KCND2: variants seen among roughly 807,000 people sequenced by gnomAD.
KCND2 encodes the protein A-type voltage-gated potassium channel KCND2.
KCND2 carries 16 observed loss-of-function variants against 54.4 expected under a neutral mutation model. The observed-to-expected ratio is 0.29, with a 90% CI of 0.20 to 0.45. The LOEUF is 0.45. Ranked by LOEUF, KCND2 falls within the 20% of genes least tolerant of loss-of-function variation. The probability of loss-of-function intolerance (pLI) is 1.00; values close to 1 mark genes in which losing one functional copy is unlikely to be tolerated. For synonymous variants in KCND2, 317 were observed against 310.7 expected, an observed-to-expected ratio of 1.02 and a Z score of -0.21; for missense variants, 486 against 824.2, an observed-to-expected ratio of 0.59 and a Z score of 5.02.
At chr7:120,679,100 C>A (rs970559226) in intron 1 of KCND2, among the ~76,000 whole-genome samples, 35 of 151,792 alleles carry the variant, frequency 2.3e-4, no homozygotes, top group Non-Finnish European at 3.4e-4. Context: ...ATTATTCCAT[C>A]TGGTAGCCTA....
intron 1 of KCND2, among the ~76,000 whole-genome samples, chr7:120,593,675 A>G (rs576364899): frequency 6.6e-6 from 1 of 152,288 alleles, no homozygotes; most frequent in East Asian, 1.9e-4. Context: ...ATGGTAGAAT[A>G]TATATAAACG....
chr7:120,626,689 A>G (rs1793168125), intron 1 of KCND2, among the ~76,000 whole-genome samples: 2 of 152,238 alleles, frequency 1.3e-5, no homozygotes, highest in Non-Finnish European at 2.9e-5. Context: ...AGATGTATAG[A>G]TTCAATATGC....
At chr7:120,661,884 A>T (rs1419390303) in intron 1 of KCND2, among the ~76,000 whole-genome samples, 3 of 152,190 alleles carry the variant, frequency 2.0e-5, no homozygotes, top group Non-Finnish European at 2.9e-5. Context: ...TTAGGATAAC[A>T]CTGAGCTACA....
intron 1 of KCND2, among the ~76,000 whole-genome samples, chr7:120,315,159 T>C (rs1799795129): frequency 6.6e-6 from 1 of 152,182 alleles, no homozygotes; most frequent in African/African-American, 2.4e-5. Flanking sequence ...CCATGCAAGC[T>C]TGAAAGAATC....
intron 1 of KCND2, among the ~76,000 whole-genome samples, chr7:120,696,312 T>A (rs1243202438): frequency 6.6e-6 from 1 of 152,236 alleles, no homozygotes; most frequent in Non-Finnish European, 1.5e-5. Context: ...TAAATGAGCA[T>A]TTTGCTAAGA....
chr7:120,399,289 C>T (rs1019001891), intron 1 of KCND2, among the ~76,000 whole-genome samples: 1 of 151,504 alleles, frequency 6.6e-6, no homozygotes, highest in Admixed American at 6.6e-5. Flanking sequence ...ATATCGTCTC[C>T]CTGACAACAT....
intron 1 of KCND2, among the ~76,000 whole-genome samples, chr7:120,421,566 CTG>C (rs1271332851): frequency 6.6e-6 from 1 of 152,204 alleles, no homozygotes; most frequent in Non-Finnish European, 1.5e-5. Flanking sequence ...ATCACACTCT[CTG>C]TGATGACACC....
chr7:120,290,876 G>T (rs1799426379), intron 1 of KCND2, among the ~76,000 whole-genome samples: 1 of 151,928 alleles, frequency 6.6e-6, no homozygotes, highest in African/African-American at 2.4e-5. Flanking sequence ...TTATCCGTAG[G>T]TTGGGGATAG....
intron 1 of KCND2, among the ~76,000 whole-genome samples, chr7:120,335,355 CAAAA>C (rs35404512): frequency 1.7e-5 from 1 of 58,396 alleles, no homozygotes; most frequent in African/African-American, 6.9e-5. Context: ...AAGACTCTAT[CAAAA>C]AAAAAAAAAA....
chr7:120,525,881 T>C lies in KCND2; in HGVS notation c.1116-207022T>C, dbSNP rs559441027. On this transcript the variant is annotated intron_variant, in intron 1 of 5. Coordinates refer to ENST00000331113, the MANE Select transcript of KCND2 (RefSeq NM_012281.3). ...CTGTCCAAATTCTCCTTTAGAAATA[T>C]TTTCAATTTCCTTATGTTAATAACA... Among the ~76,000 whole-genome samples the C allele has an allele frequency of 5.3e-5, 8 of 152,238 alleles. No individual in the cohort carries two copies. The South Asian group carries it at 1.7e-3, about 32-fold the overall frequency.
At chr7:120,586,264 A>G (rs1033284175) in intron 1 of KCND2, among the ~76,000 whole-genome samples, 6 of 152,036 alleles carry the variant, frequency 3.9e-5, no homozygotes, top group African/African-American at 9.7e-5. Context: ...GCGCACCCAT[A>G]TGTCCTAAAG....
intron 1 of KCND2, among the ~76,000 whole-genome samples, chr7:120,451,258 T>G (rs975677673): frequency 6.6e-6 from 1 of 152,196 alleles, no homozygotes; most frequent in African/African-American, 2.4e-5. Flanking sequence ...ACAGCTTGAC[T>G]TACCCTAACG....
intron 1 of KCND2, among the ~76,000 whole-genome samples, chr7:120,560,263 G>T (rs749343977): frequency 1.3e-5 from 2 of 152,096 alleles, no homozygotes; most frequent in African/African-American, 4.8e-5. Flanking sequence ...TTACACAAAA[G>T]CTTGCTGTAT....
At chr7:120,500,787 T>C (rs1283946120) in intron 1 of KCND2, among the ~76,000 whole-genome samples, 2 of 150,674 alleles carry the variant, frequency 1.3e-5, no homozygotes, top group African/African-American at 4.9e-5. Flanking sequence ...GGAGTTATGA[T>C]TTAAATTATA....
intron 1 of KCND2, among the ~76,000 whole-genome samples, chr7:120,354,325 G>A (rs943554419): frequency 7.9e-5 from 12 of 152,088 alleles, no homozygotes; most frequent in African/African-American, 2.4e-4. Context: ...CTATATAGGC[G>A]TTATATAATG....
chr7:120,351,365 T>TACACAC (rs59756091), intron 1 of KCND2, among the ~76,000 whole-genome samples: 18 of 94,778 alleles, frequency 1.9e-4, no homozygotes, highest in African/African-American at 6.6e-4. Flanking sequence ...TCGAAGAGCA[T>TACACAC]ACACACACAC....
chr7:120,610,095 C>T (rs1281574824), intron 1 of KCND2, among the ~76,000 whole-genome samples: 4 of 152,062 alleles, frequency 2.6e-5, no homozygotes, highest in Non-Finnish European at 5.9e-5. Context: ...TATATTTACT[C>T]TTAACAAAAC....
chr7:120,598,665 G>A (rs1041927311), intron 1 of KCND2, among the ~76,000 whole-genome samples: 3 of 151,850 alleles, frequency 2.0e-5, no homozygotes, highest in African/African-American at 7.3e-5. Context: ...TAAATAATTG[G>A]ATTGTTTGTT....
intron 1 of KCND2, among the ~76,000 whole-genome samples, chr7:120,619,310 G>A (rs1158587845): frequency 6.6e-6 from 1 of 152,146 alleles, no homozygotes; most frequent in Non-Finnish European, 1.5e-5. Flanking sequence ...TGCATCTGTA[G>A]TCCTAGCTAC....
Sources: gnomAD v4.1 joint callset for allele counts (sites outside exome capture counted in the v4.1 genomes callset) on GRCh38, gnomAD v4.1.1 for gene constraint, MANE v1.5 for transcripts, NCBI Gene and HGNC (gene_info 2026-07-23, HGNC 2026-07-21) for gene names.